KCNE5: variants seen among roughly 807,000 people sequenced by gnomAD.
The protein encoded by KCNE5 is potassium voltage-gated channel subfamily E regulatory subunit 5.
For missense variants in KCNE5, 131 were observed against 132.9 expected (o/e 0.99, Z 0.07); for synonymous variants, 65 against 62.3 (o/e 1.04, Z -0.20).
Position 109,624,829 on chromosome X carries a change from C to A in KCNE5, c.192G>T (p.Leu64=). The A allele has an allele frequency of 8.2e-7, 1 of 1,212,278 alleles. No individual in the cohort carries two copies. The highest frequency in any genetic ancestry group is 1.1e-6 in the Non-Finnish European group (1 of 895,499). The change falls in exon 1 of 1, where the codon CTG becomes CTT. Residue 64 remains leucine, a synonymous_variant. Coordinates refer to ENST00000372101, the MANE Select transcript of KCNE5 (RefSeq NM_012282.4). ...AKGDDAYLYI[L]LIMIFYACLA... ...AGCAGGCGTAGAAGATCATGATGAG[C>A]AGGATGTAGAGATAGGCGTCGTCGC...
In KCNE5 at chrX:109,624,731, G is replaced by A. The variant is rs1569407028; in HGVS notation, c.290C>T (p.Ala97Val). 1 of 1,209,165 alleles carries A rather than the reference G, an allele frequency of 8.3e-7. No homozygotes were observed. ...CGGGGCCCATTCGTGCTCGGCGCAA[G>A]CCTGGGACGGCTCGTCCTTGGCCTC... Reference protein sequence around the residue: ...LVEAKDEPSQACAEHEWAPGG... With the variant: ...LVEAKDEPSQVCAEHEWAPGG... Residue 97 changes from alanine (A) to valine (V), a missense_variant, in exon 1 of 1, where the codon GCT (alanine) becomes GTT (valine). Physicochemically the swap from Ala to Val is moderately conservative, Grantham distance 64. Coordinates refer to ENST00000372101, the MANE Select transcript of KCNE5 (RefSeq NM_012282.4).
chrX:109,624,413 A>G lies in KCNE5; in HGVS notation c.*179T>C. Reference sequence around the variant, plus strand: ...GGTGAAGAGGGAGAAACTGGCCCGAATGGGTAAGGTGGTGCTTCTCCTTCC... The same window carrying G: ...GGTGAAGAGGGAGAAACTGGCCCGAGTGGGTAAGGTGGTGCTTCTCCTTCC... On this transcript the variant is annotated 3_prime_UTR_variant, in exon 1 of 1. Coordinates refer to ENST00000372101, the MANE Select transcript of KCNE5 (RefSeq NM_012282.4). The G allele has an allele frequency of 4.9e-6, 2 of 410,299 alleles. No homozygotes were observed. The highest frequency in any genetic ancestry group is 1.0e-4 in the South Asian group (2 of 19,590). The allele number at this position is 410,299 out of a possible 1,213,427, so 33.8% of individuals were successfully genotyped here.
In KCNE5 at chrX:109,624,978, G is replaced by A. The variant is rs752919004; in HGVS notation, c.43C>T (p.Arg15Cys). 1.3e-5 allele frequency: 16 copies of A among 1,208,024 alleles called. No homozygotes were observed. Among genetic ancestry groups the A allele is most frequent in the Non-Finnish European group, 1.8e-5 (16 of 893,558 alleles). ...CGGTGGTGCAGCTCGAGCAACAGGCGGCTCAGAAGGGTTCGCAGCCGCTGG... is the reference window on the plus strand; with the variant it reads ...CGGTGGTGCAGCTCGAGCAACAGGCAGCTCAGAAGGGTTCGCAGCCGCTGG... ...ESQRLRTLLS[R>C]LLLELHHRGN... Residue 15 changes from arginine (R) to cysteine (C), a missense_variant, in exon 1 of 1, where the codon CGC becomes TGC. Physicochemically the swap from Arg to Cys is radical, Grantham distance 180 (BLOSUM62 -3). Coordinates refer to ENST00000372101, the MANE Select transcript of KCNE5 (RefSeq NM_012282.4).
Position 109,625,164 on chromosome X carries a change from G to A in KCNE5, c.-144C>T, listed in dbSNP as rs1569407361. 4 of 675,432 alleles carry A rather than the reference G, an allele frequency of 5.9e-6. No individual in the cohort carries two copies. The highest frequency in any genetic ancestry group is 5.7e-5 in the Admixed American group (2 of 35,280). 55.7% of individuals were successfully genotyped at this position (675,432 alleles called of 1,213,427 possible). On this transcript the variant is annotated 5_prime_UTR_variant, in exon 1 of 1. Coordinates refer to ENST00000372101, the MANE Select transcript of KCNE5 (RefSeq NM_012282.4). The stretch of plus-strand genomic sequence containing the variant: ...TAGCACCCAGCTCTCCGGCGAGCGC[G>A]CAGTGGCTGGGGGCGCCGACGGCGG...
Position 109,624,556 on chromosome X carries a change from G to A in KCNE5, c.*36C>T. ...AGGCGCGCCCAGGGATGAGCGAGAT[G>A]AGGAGGGCGCGAACCAGCAATCTGG... On this transcript the variant is annotated 3_prime_UTR_variant, in exon 1 of 1. Transcript: ENST00000372101. 9.4e-7 allele frequency: 1 copy of A among 1,066,629 alleles called. No homozygotes were observed. Among genetic ancestry groups the A allele is most frequent in the Non-Finnish European group, 1.2e-6 (1 of 823,364 alleles). The allele number at this position is 1,066,629 out of a possible 1,213,427, so 87.9% of individuals were successfully genotyped here. A position where few individuals can be genotyped will look rare whatever the true frequency, so the allele number is the denominator to read the frequency against.
chrX:109,624,826 G>A lies in KCNE5; in HGVS notation c.195C>T (p.Leu65=). Residue 65 remains leucine (L), a synonymous_variant, in exon 1 of 1, where the codon CTC becomes CTT. Coordinates refer to ENST00000372101, the MANE Select transcript of KCNE5 (RefSeq NM_012282.4). ...CCAAGCAGGCGTAGAAGATCATGATGAGCAGGATGTAGAGATAGGCGTCGT... is the reference window on the plus strand; with the variant it reads ...CCAAGCAGGCGTAGAAGATCATGATAAGCAGGATGTAGAGATAGGCGTCGT... ...KGDDAYLYIL[L]IMIFYACLAG... is the part of the protein sequence containing the mutation. 1 of 1,212,386 alleles carries A rather than the reference G, an allele frequency of 8.2e-7. No homozygotes were observed. The highest frequency in any genetic ancestry group is 1.1e-6 in the Non-Finnish European group (1 of 895,499).
Position 109,625,070 on chromosome X carries a change from C to G in KCNE5, c.-50G>C, listed in dbSNP as rs1364701247. ...CTCCAGGACGCTGCTGACCTTTCCCCCTGGGCGAGGGGAAGCGAGCTAGCG... is the reference window on the plus strand; with the variant it reads ...CTCCAGGACGCTGCTGACCTTTCCCGCTGGGCGAGGGGAAGCGAGCTAGCG... On this transcript the variant is annotated 5_prime_UTR_variant, in exon 1 of 1. Coordinates refer to ENST00000372101, the MANE Select transcript of KCNE5 (RefSeq NM_012282.4). 1 of 1,144,879 alleles carries G rather than the reference C, an allele frequency of 8.7e-7. No homozygotes were observed. Among genetic ancestry groups the G allele is most frequent in the African/African-American group, 1.8e-5 (1 of 55,781 alleles). 94.4% of individuals were successfully genotyped at this position (1,144,879 alleles called of 1,213,427 possible). A position where few individuals can be genotyped will look rare whatever the true frequency, so the allele number is the denominator to read the frequency against.
Position 109,624,792 on chromosome X carries a change from G to A in KCNE5, c.229C>T (p.Leu77Phe). The change falls in exon 1 of 1, where the codon CTC becomes TTC. Residue 77 changes from leucine (L) to phenylalanine (F), a missense_variant. Leu to Phe is a conservative substitution (Grantham distance 22, BLOSUM62 0). Transcript: ENST00000372101. The part of the protein sequence containing the change: ...MIFYACLAGG[L>F]ILAYTRSRKL... ...CGGGAGCGGGTGTAGGCCAGGATGA[G>A]GCCTCCGGCCAAGCAGGCGTAGAAG... is the stretch of plus-strand genomic sequence containing the variant. 1 of 1,212,220 alleles carries A rather than the reference G, an allele frequency of 8.2e-7. No homozygotes were observed. Among genetic ancestry groups the A allele is most frequent in the Non-Finnish European group, 1.1e-6 (1 of 895,429 alleles).
Position 109,624,681 on chromosome X carries a change from C to T in KCNE5, c.340G>A (p.Glu114Lys). 8.5e-7 allele frequency: 1 copy of T among 1,177,699 alleles called. No individual in the cohort carries two copies. The highest frequency in any genetic ancestry group is 1.1e-6 in the Non-Finnish European group (1 of 879,210). The change falls in exon 1 of 1, where the codon GAG (glutamate) becomes AAG (lysine). Residue 114 changes from glutamate to lysine, a missense_variant. By Grantham distance (56) the Glu-to-Lys change is moderately conservative (BLOSUM62 1). Transcript: ENST00000372101. ...TCGGCCTGGGAGCCCGCGGCAGCCT[C>T]GGCGTCGGCGGTCAGGGCGCCTCCC... ...APGGALTADAEAAAGSQAEGR... is the reference protein window; with the variant it reads ...APGGALTADAKAAAGSQAEGR...
chrX:109,624,855 C>T lies in KCNE5; in HGVS notation c.166G>A (p.Gly56Ser). ...AGGATGTAGAGATAGGCGTCGTCGC[C>T]CTTGGCGCTGGTCACCTCGCGGCCC... ...FVGREVTSAKGDDAYLYILLI... is the reference protein window; with the variant it reads ...FVGREVTSAKSDDAYLYILLI... The change falls in exon 1 of 1, where the codon GGC becomes AGC. Residue 56 changes from glycine (G) to serine (S), a missense_variant. By Grantham distance (56) the Gly-to-Ser change is moderately conservative. Transcript: ENST00000372101. The T allele has an allele frequency of 8.2e-7, 1 of 1,212,349 alleles. No homozygotes were observed. The highest frequency in any genetic ancestry group is 1.1e-6 in the Non-Finnish European group (1 of 895,561).
chrX:109,625,048 C>T lies in KCNE5; in HGVS notation c.-28G>A, dbSNP rs1008143134. The T allele has an allele frequency of 6.8e-6, 8 of 1,168,578 alleles. No homozygotes were observed. Among genetic ancestry groups the T allele is most frequent in the Non-Finnish European group, 6.9e-6 (6 of 872,630 alleles). On this transcript the variant is annotated 5_prime_UTR_variant, in exon 1 of 1. Transcript: ENST00000372101. ...CTTTCGGGGAGTGACACGGCGGCTC[C>T]AGGACGCTGCTGACCTTTCCCCCTG...
chrX:109,624,272 G>C lies in KCNE5; in HGVS notation c.*320C>G. The C allele has an allele frequency of 4.0e-6, 1 of 252,445 alleles. No individual in the cohort carries two copies. The highest frequency in any genetic ancestry group is 7.0e-6 in the Non-Finnish European group (1 of 143,561). 20.8% of individuals were successfully genotyped at this position (252,445 alleles called of 1,213,427 possible). A position where few individuals can be genotyped will look rare whatever the true frequency, so the allele number is the denominator to read the frequency against. ...TGCTTCAGTTCAGTGCCAAGTGTTG[G>C]ACGTGTTGGATTCAGTTCCCAGAGG... is the stretch of plus-strand genomic sequence containing the variant. On this transcript the variant is annotated 3_prime_UTR_variant, in exon 1 of 1. Coordinates refer to ENST00000372101, the MANE Select transcript of KCNE5 (RefSeq NM_012282.4).
In KCNE5 at chrX:109,625,079, G is replaced by A. The variant is rs1934272986; in HGVS notation, c.-59C>T. ...GCTGCTGACCTTTCCCCCTGGGCGA[G>A]GGGAAGCGAGCTAGCGAGCGGGCCG... On this transcript the variant is annotated 5_prime_UTR_variant, in exon 1 of 1. Coordinates refer to ENST00000372101, the MANE Select transcript of KCNE5 (RefSeq NM_012282.4). The A allele has an allele frequency of 1.8e-6, 2 of 1,128,409 alleles. No homozygotes were observed. Among genetic ancestry groups the A allele is most frequent in the South Asian group, 1.9e-5 (1 of 51,774 alleles). 93.0% of individuals were successfully genotyped at this position (1,128,409 alleles called of 1,213,427 possible). A position where few individuals can be genotyped will look rare whatever the true frequency, so the allele number is the denominator to read the frequency against.
In KCNE5 at chrX:109,624,711, C is replaced by T. The variant is rs1475131869; in HGVS notation, c.310G>A (p.Ala104Thr). 1 of 1,202,490 alleles carries T rather than the reference C, an allele frequency of 8.3e-7. No individual in the cohort carries two copies. Among genetic ancestry groups the T allele is most frequent in the Non-Finnish European group, 1.1e-6 (1 of 890,963 alleles). Residue 104 changes from alanine to threonine, a missense_variant, in exon 1 of 1, where the codon GCC (alanine) becomes ACC (threonine). Transcript: ENST00000372101. ...TCGGCGGTCAGGGCGCCTCCCGGGGCCCATTCGTGCTCGGCGCAAGCCTGG... is the reference window on the plus strand; with the variant it reads ...TCGGCGGTCAGGGCGCCTCCCGGGGTCCATTCGTGCTCGGCGCAAGCCTGG... ...PSQACAEHEW[A>T]PGGALTADAE...
Position 109,624,616 on chromosome X carries a change from G to A in KCNE5, c.405C>T (p.Leu135=). 1 of 1,130,106 alleles carries A rather than the reference G, an allele frequency of 8.8e-7. No homozygotes were observed. Among genetic ancestry groups the A allele is most frequent in the Non-Finnish European group, 1.2e-6 (1 of 859,425 alleles). The allele number at this position is 1,130,106 out of a possible 1,213,427, so 93.1% of individuals were successfully genotyped here. Residue 135 remains leucine, a synonymous_variant, in exon 1 of 1, where the codon CTC becomes CTT. Coordinates refer to ENST00000372101, the MANE Select transcript of KCNE5 (RefSeq NM_012282.4). ...RQLASEGLPA[L]AQGAERV ...TTTAGACCCGCTCAGCGCCCTGGGC[G>A]AGGGCAGGCAGCCCCTCGGAGGCAA...
At position 109,624,767 on chromosome X, in the gene KCNE5, C is replaced by A. The variant is rs750897913; in HGVS notation, c.254G>T (p.Arg85Leu). 8.3e-6 allele frequency: 10 copies of A among 1,211,695 alleles called. No individual in the cohort carries two copies. In the South Asian group the frequency reaches 1.2e-4, roughly 15 times the overall value. Residue 85 changes from arginine (R) to leucine (L), a missense_variant, in exon 1 of 1, where the codon CGT becomes CTT. By Grantham distance (102) the Arg-to-Leu change is moderately radical (BLOSUM62 -2). Transcript: ENST00000372101. ...CTCGTCCTTGGCCTCGACGAGCTTACGGGAGCGGGTGTAGGCCAGGATGAG... is the reference window on the plus strand; with the variant it reads ...CTCGTCCTTGGCCTCGACGAGCTTAAGGGAGCGGGTGTAGGCCAGGATGAG... ...GGLILAYTRS[R>L]KLVEAKDEPS...
rs1397683645 is a variant in KCNE5, at chrX:109,624,738, A to G, written c.283T>C (p.Ser95Pro). The G allele has an allele frequency of 3.3e-6, 4 of 1,209,767 alleles. No homozygotes were observed. The highest frequency in any genetic ancestry group is 4.5e-6 in the Non-Finnish European group (4 of 894,474). Residue 95 changes from serine to proline, a missense_variant, in exon 1 of 1, where the codon TCC becomes CCC. Physicochemically the swap from Ser to Pro is moderately conservative, Grantham distance 74 (BLOSUM62 -1). Transcript: ENST00000372101. ...RKLVEAKDEP[S>P]QACAEHEWAP... is the part of the protein sequence containing the mutation. The stretch of plus-strand genomic sequence containing the variant: ...CATTCGTGCTCGGCGCAAGCCTGGG[A>G]CGGCTCGTCCTTGGCCTCGACGAGC...
Position 109,624,193 on chromosome X carries a change from G to A in KCNE5, c.*399C>T, listed in dbSNP as rs1278888652. 3.6e-5 allele frequency: 5 copies of A among 137,781 alleles called. No individual in the cohort carries two copies. The highest frequency in any genetic ancestry group is 2.8e-3 in the Middle Eastern group (1 of 351). The allele number at this position is 137,781 out of a possible 1,213,427, so 11.4% of individuals were successfully genotyped here. A position where few individuals can be genotyped will look rare whatever the true frequency, so the allele number is the denominator to read the frequency against. ...GGCTCTGCAGAGTGAGCAGTCCCTGGCAGCCCCTGGAGCAGCTGCCAGTTA... is the reference window on the plus strand; with the variant it reads ...GGCTCTGCAGAGTGAGCAGTCCCTGACAGCCCCTGGAGCAGCTGCCAGTTA... On this transcript the variant is annotated 3_prime_UTR_variant, in exon 1 of 1. Coordinates refer to ENST00000372101, the MANE Select transcript of KCNE5 (RefSeq NM_012282.4).
chrX:109,624,852 C>A lies in KCNE5; in HGVS notation c.169G>T (p.Asp57Tyr). ...AGCAGGATGTAGAGATAGGCGTCGT[C>A]GCCCTTGGCGCTGGTCACCTCGCGG... ...VGREVTSAKG[D>Y]DAYLYILLIM... is the part of the protein sequence containing the mutation. The change falls in exon 1 of 1, where the codon GAC (aspartate) becomes TAC (tyrosine). Residue 57 changes from aspartate (D) to tyrosine (Y), a missense_variant. By Grantham distance (160) the Asp-to-Tyr change is radical. Coordinates refer to ENST00000372101, the MANE Select transcript of KCNE5 (RefSeq NM_012282.4). The A allele has an allele frequency of 8.2e-7, 1 of 1,212,232 alleles. No individual in the cohort carries two copies. Among genetic ancestry groups the A allele is most frequent in the Non-Finnish European group, 1.1e-6 (1 of 895,531 alleles).
Sources: gnomAD v4.1 joint callset for allele counts on GRCh38, gnomAD v4.1.1 for gene constraint, MANE v1.5 for transcripts, NCBI Gene and HGNC (gene_info 2026-07-23, HGNC 2026-07-21) for gene names.